The following SCUBE1 variants were observed in gnomAD, a reference collection of about 807,000 sequenced individuals.
The protein encoded by SCUBE1 is signal peptide, CUB and EGF-like domain-containing protein 1.
In SCUBE1, 59 loss-of-function variants were observed where a neutral mutation model predicts 124.4. That is an observed-to-expected ratio of 0.47 (90% confidence interval 0.38 to 0.59). SCUBE1 has a LOEUF of 0.59. SCUBE1 is among the 20% of genes least tolerant of loss of function. The probability of loss-of-function intolerance (pLI) is 0.00; values close to 1 mark genes in which losing one functional copy is unlikely to be tolerated. For synonymous variants in SCUBE1, 545 were observed against 550.9 expected, an observed-to-expected ratio of 0.99 and a Z score of 0.15; for missense variants, 1,150 against 1,371.2, an observed-to-expected ratio of 0.84 and a Z score of 2.55.
chr22:43,336,870 G>A lies in SCUBE1; in HGVS notation c.220+2234C>T, dbSNP rs548493335. The stretch of plus-strand genomic sequence containing the variant: ...ACAGGATACAGAAAGAAGGTAAGGA[G>A]CTCCAGGCAGGCGGAAAATCTGAGC... On this transcript the variant is annotated intron_variant, in intron 2 of 21. Transcript: ENST00000360835. Among the ~76,000 whole-genome samples the A allele has an allele frequency of 2.6e-5, 4 of 152,294 alleles. No homozygotes were observed. In the East Asian group the frequency reaches 7.7e-4, roughly 29 times the overall value.
chr22:43,304,545 G>C (rs926627017), intron 3 of SCUBE1, among the ~76,000 whole-genome samples: 2 of 152,098 alleles, frequency 1.3e-5, no homozygotes, highest in Non-Finnish European at 2.9e-5. Flanking sequence ...ACGAGGACCA[G>C]TGCAGAGAAA....
intron 3 of SCUBE1, among the ~76,000 whole-genome samples, chr22:43,293,306 T>C (rs1382380649): frequency 6.6e-6 from 1 of 152,260 alleles, no homozygotes. Context: ...GGTCATGTTA[T>C]TGACCCCATT....
rs1223845407 is a variant in SCUBE1 at position 43,210,132 on chromosome 22, G to A, written c.2492C>T (p.Pro831Leu). 1 of 1,612,656 alleles carries A rather than the reference G, an allele frequency of 6.2e-7. No individual in the cohort carries two copies. Among genetic ancestry groups the A allele is most frequent in the African/African-American group, 1.3e-5 (1 of 74,922 alleles). The change falls in exon 19 of 22, where the codon CCC becomes CTC. Residue 831 changes from proline (P) to leucine (L), a missense_variant. This residue lies in a region of SCUBE1 where 757 missense variants were observed against 840.9 expected (regional missense o/e 0.90). Coordinates refer to ENST00000360835, the MANE Select transcript of SCUBE1 (RefSeq NM_173050.5). This position sits in a 1 kb window ranked among gnomAD's most constrained non-coding sequence, Gnocchi z 4.5. ...NAECVWHIAP[P>L]PKRRILIVVP... ...CACGATGAGGATCCTGCGCTTTGGG[G>A]GAGGCGCGATGTGCCAGACGCATTC... is the stretch of plus-strand genomic sequence containing the variant.
chr22:43,284,766 C>T (rs1469908947), intron 4 of SCUBE1, among the ~76,000 whole-genome samples: 4 of 152,152 alleles, frequency 2.6e-5, no homozygotes, highest in African/African-American at 7.2e-5. Flanking sequence ...TCGTCATCGT[C>T]GTCGTCGTCG....
At chr22:43,298,537 C>T (rs992047814) in intron 3 of SCUBE1, among the ~76,000 whole-genome samples, 3 of 152,198 alleles carry the variant, frequency 2.0e-5, no homozygotes, top group Admixed American at 1.3e-4. Context: ...GCCTGCTGGC[C>T]GCTGGGGTCT....
intron 20 of SCUBE1, 75 bp downstream of exon 20, chr22:43,207,997 C>T (rs747611914): frequency 3.4e-4 from 522 of 1,525,650 alleles, no homozygotes; most frequent in Non-Finnish European, 4.3e-4. Flanking sequence ...AGGGCGGGGA[C>T]GTGCGACTCA....
Position 43,212,532 on chromosome 22 carries a change from A to G in SCUBE1, c.2114T>C (p.Val705Ala). The change falls in exon 17 of 22, where the codon GTG (valine) becomes GCG (alanine). Residue 705 changes from valine to alanine, a missense_variant. By Grantham distance (64) the Val-to-Ala change is moderately conservative. Transcript: ENST00000360835. ...DGFKPCQACP[V>A]GTYQPEPGRT... ...CCCGGGCTCAGGCTGGTACGTGCCC[A>G]CGGGGCAGGCCTGGCAGGGCTTGAA... 1.3e-6 allele frequency: 2 copies of G among 1,562,844 alleles called. No homozygotes were observed. The highest frequency in any genetic ancestry group is 1.7e-6 in the Non-Finnish European group (2 of 1,154,202).
At chr22:43,339,921 CAA>C (rs377721436) in intron 1 of SCUBE1, among the ~76,000 whole-genome samples, 189 of 24,802 alleles carry the variant, frequency 7.6e-3, no homozygotes, top group African/African-American at 0.012. Flanking sequence ...TCTACCCCCC[CAA>C]CAAGCATAGC....
Position 43,301,672 on chromosome 22 carries a change from C to T in SCUBE1, c.350-10492G>A, listed in dbSNP as rs1272994787. On this transcript the variant is annotated intron_variant, in intron 3 of 21. Transcript: ENST00000360835. ...TCCTTCAGAGCACGCCCCCACCCAC[C>T]TGGAATCTTCCTTGTGACTGTTTCT... 4.6e-5 allele frequency among the ~76,000 whole-genome samples: 7 copies of T among 152,232 alleles called. No individual in the cohort carries two copies. In the South Asian group the frequency reaches 1.2e-3, roughly 27 times the overall value.
chr22:43,314,363 C>T (rs937015528), intron 3 of SCUBE1, among the ~76,000 whole-genome samples: 4 of 152,146 alleles, frequency 2.6e-5, no homozygotes, highest in South Asian at 2.1e-4. Flanking sequence ...CAGGCAGCTG[C>T]GGTGTAGTTC....
At chr22:43,206,802 A>G (rs67804454) in intron 21 of SCUBE1, among the ~76,000 whole-genome samples, 5,844 of 151,840 alleles carry the variant, frequency 0.038, 134 homozygotes, top group South Asian at 0.057. Context: ...GGGGGGACAG[A>G]GATTGCGGGG....
Position 43,330,062 on chromosome 22 carries a change from GA to G in SCUBE1, c.220+9041del, listed in dbSNP as rs142134054. On this transcript the variant is annotated intron_variant, in intron 2 of 21. Transcript: ENST00000360835. ...ACCCTGGGAGAAATGGGGAATTAGA[GA>G]AAAAAAAAAAACCAACATGCAGATA... Among the ~76,000 whole-genome samples the G allele has an allele frequency of 7.2e-3, 1,009 of 140,098 alleles. 5 individuals carry two copies. The highest frequency in any genetic ancestry group is 0.011 in the Non-Finnish European group (717 of 63,888). 91.9% of individuals were successfully genotyped at this position (140,098 alleles called of 152,430 possible).
At chr22:43,272,423 C>T (rs1924328774) in intron 4 of SCUBE1, 1 of 152,258 alleles carries the variant, frequency 6.6e-6, no homozygotes, top group South Asian at 2.1e-4. Flanking sequence ...TCAGCACTCA[C>T]CACCCAGCTG....
intron 20 of SCUBE1, 36 bp from the exon 21 acceptor site, chr22:43,207,649 G>C (rs1433910341): frequency 6.5e-7 from 1 of 1,532,484 alleles, no homozygotes; most frequent in Non-Finnish European, 9.0e-7. Flanking sequence ...AGGAAGGCGA[G>C]GGGCTTGAGG....
chr22:43,225,191 C>A (rs1330132769), intron 10 of SCUBE1, among the ~76,000 whole-genome samples: 1 of 151,908 alleles, frequency 6.6e-6, no homozygotes, highest in Non-Finnish European at 1.5e-5. Flanking sequence ...ATCGCATCAC[C>A]CCCCCACTCC....
chr22:43,239,690 T>C, intron 6 of SCUBE1, among the ~76,000 whole-genome samples: 1 of 152,244 alleles, frequency 6.6e-6, no homozygotes, highest in South Asian at 2.1e-4. Flanking sequence ...ACCAGGATGC[T>C]GGGGGCTGGT....
chr22:43,310,554 C>T (rs1281231598), intron 3 of SCUBE1, among the ~76,000 whole-genome samples: 1 of 152,188 alleles, frequency 6.6e-6, no homozygotes, highest in Non-Finnish European at 1.5e-5. Context: ...TCAAGTCATC[C>T]CCAGCTTTCA....
rs758542522 is a variant in SCUBE1 at position 43,214,199 on chromosome 22, T to C, written c.1944A>G (p.Ser648=). 1 of 1,613,108 alleles carries C rather than the reference T, an allele frequency of 6.2e-7. No homozygotes were observed. Among genetic ancestry groups the C allele is most frequent in the Non-Finnish European group, 8.5e-7 (1 of 1,179,900 alleles). ...TGTCCTGGTATGTTCCTGGCATACA[T>C]GACACACACTGGCCGAGCTCACCAC... ...HFGGELGQCV[S]CMPGTYQDME... The change falls in exon 16 of 22, where the codon TCA becomes TCG. Residue 648 remains serine, a synonymous_variant. Coordinates refer to ENST00000360835, the MANE Select transcript of SCUBE1 (RefSeq NM_173050.5).
At chr22:43,225,881 T>TAAGA (rs980395239) in intron 10 of SCUBE1, among the ~76,000 whole-genome samples, 1 of 152,068 alleles carries the variant, frequency 6.6e-6, no homozygotes, top group African/African-American at 2.4e-5. Flanking sequence ...CCTATGCTTG[T>TAAGA]AAGACGGAGA....
Sources: gnomAD v4.1 joint callset for allele counts (sites outside exome capture counted in the v4.1 genomes callset) on GRCh38, gnomAD v4.1.1 for gene constraint, gnomAD v4.1.1 regional missense constraint, Gnocchi (gnomAD v3.1) non-coding constraint, MANE v1.5 for transcripts, NCBI Gene and HGNC (gene_info 2026-07-23, HGNC 2026-07-21) for gene names.